Variants in CFAP54 observed in about 807,000 individuals in gnomAD.
The protein encoded by CFAP54 is cilia and flagella associated protein 54.
A neutral mutation model predicts 370.4 loss-of-function variants in CFAP54; 290 were observed. That is an observed-to-expected ratio of 0.78 (90% CI 0.71 to 0.86). The LOEUF (loss-of-function observed/expected upper bound fraction) is 0.86. CFAP54 is among the 40% of genes least tolerant of loss of function. The pLI is 0.00. For missense variants in CFAP54, 3,399 were observed against 3,528.7 expected, an observed-to-expected ratio of 0.96 and a Z score of 0.93; for synonymous variants, 1,206 against 1,236.5, an observed-to-expected ratio of 0.98 and a Z score of 0.52.
At chr12:96,539,088 T>TTTTTTTTTTTG (rs1955542493) in intron 13 of CFAP54, among the ~76,000 whole-genome samples, 1 of 147,750 alleles carries the variant, frequency 6.8e-6, no homozygotes. Flanking sequence ...GTTTTTGTTT[T>TTTTTTTTTTTG]TGAGATGGAG....
chr12:96,538,969 G>A (rs73374093), intron 13 of CFAP54, among the ~76,000 whole-genome samples: 15,148 of 151,566 alleles, frequency 0.1, 1,236 homozygotes, highest in East Asian at 0.45. Context: ...GCCCAGGCTG[G>A]TCACAAACTC....
At chr12:96,523,417 C>T (rs1955341849) in intron 8 of CFAP54, among the ~76,000 whole-genome samples, 1 of 152,094 alleles carries the variant, frequency 6.6e-6, no homozygotes, top group African/African-American at 2.4e-5. Flanking sequence ...TAGGAGTAAT[C>T]CTTTTTCTTT....
chr12:96,849,802 C>T (rs1452533535), intron 66 of CFAP54, among the ~76,000 whole-genome samples: 6 of 152,100 alleles, frequency 3.9e-5, no homozygotes, highest in Non-Finnish European at 7.4e-5. Flanking sequence ...GACTTTCATC[C>T]TCTCTAGGCA....
chr12:96,684,724 A>T lies in CFAP54; in HGVS notation c.5793A>T (p.Ala1931=). The part of the protein sequence containing the change: ...LHSLGSLLIF[A]EKKRAAFKCW... ...CACTTGGAAGTCTTCTCATCTTCGCAGAAAAGAAAAGGTAGATTTTTAGAA... is the reference window on the plus strand; with the variant it reads ...CACTTGGAAGTCTTCTCATCTTCGCTGAAAAGAAAAGGTAGATTTTTAGAA... The change falls in exon 41 of 68, where the codon GCA becomes GCT. Residue 1931 remains alanine, a synonymous_variant. Transcript: ENST00000524981. 6.2e-7 allele frequency: 1 copy of T among 1,609,934 alleles called. No homozygotes were observed. Among genetic ancestry groups the T allele is most frequent in the Non-Finnish European group, 8.5e-7 (1 of 1,178,684 alleles).
rs1008730544 is a variant in CFAP54 at position 96,505,650 on chromosome 12, G to A, written c.568-1278G>A. Among the ~76,000 whole-genome samples the A allele has an allele frequency of 4.0e-5, 6 of 151,548 alleles. No individual in the cohort carries two copies. In the East Asian group the frequency reaches 5.8e-4, roughly 15 times the overall value. On this transcript the variant is annotated intron_variant, in intron 3 of 67. Coordinates refer to ENST00000524981, the MANE Select transcript of CFAP54 (RefSeq NM_001306084.2). Reference sequence around the variant, plus strand: ...CCTGAGTAGCTGGGATTACAGGTGCGCACCATCATGCCTGGCTAATTTTTG... The same window carrying A: ...CCTGAGTAGCTGGGATTACAGGTGCACACCATCATGCCTGGCTAATTTTTG...
At chr12:96,573,268 C>A (rs532868050) in intron 19 of CFAP54, among the ~76,000 whole-genome samples, 1 of 152,230 alleles carries the variant, frequency 6.6e-6, no homozygotes, top group African/African-American at 2.4e-5. Context: ...GCCTGTGATG[C>A]GAATGAAGAT....
rs1158573660 is a variant in CFAP54 at position 96,534,098 on chromosome 12, G to T, written c.1576G>T (p.Asp526Tyr). ...DDPESKKAEK[D>Y]LTLLIAMEPL... ...TCCAGAGTCAAAGAAAGCAGAGAAG[G>T]ATTTAACTCTTCTGATTGCAATGGA... The change falls in exon 11 of 68, where the codon GAT (aspartate) becomes TAT (tyrosine). Residue 526 changes from aspartate (D) to tyrosine (Y), a missense_variant. Transcript: ENST00000524981. 1 of 1,533,238 alleles carries T rather than the reference G, an allele frequency of 6.5e-7. No individual in the cohort carries two copies. Among genetic ancestry groups the T allele is most frequent in the East Asian group, 2.4e-5 (1 of 40,844 alleles). 95.0% of individuals were successfully genotyped at this position (1,533,238 alleles called of 1,614,324 possible). A position where few individuals can be genotyped will look rare whatever the true frequency, so the allele number is the denominator to read the frequency against.
chr12:96,562,222 T>G (rs1955823039), intron 17 of CFAP54, among the ~76,000 whole-genome samples: 1 of 152,182 alleles, frequency 6.6e-6, no homozygotes, highest in African/African-American at 2.4e-5. Context: ...TGTTTTATCC[T>G]GGCAAATTAA....
At chr12:96,625,349 T>C (rs966811997) in intron 28 of CFAP54, among the ~76,000 whole-genome samples, 1 of 152,220 alleles carries the variant, frequency 6.6e-6, no homozygotes, top group Non-Finnish European at 1.5e-5. Context: ...GACTGTGTTA[T>C]ACTTTACTGC....
intron 22 of CFAP54, among the ~76,000 whole-genome samples, chr12:96,587,090 C>T (rs916523805): frequency 6.6e-6 from 1 of 152,080 alleles, no homozygotes; most frequent in African/African-American, 2.4e-5. Flanking sequence ...TTGTGGAAGG[C>T]TGTGGGTGGT....
At chr12:96,816,966 C>T (rs1177486510) in intron 64 of CFAP54, among the ~76,000 whole-genome samples, 2 of 152,210 alleles carry the variant, frequency 1.3e-5, no homozygotes, top group Admixed American at 6.5e-5. Flanking sequence ...CTCCCTTCCT[C>T]CACCCTCTTC....
intron 4 of CFAP54, among the ~76,000 whole-genome samples, chr12:96,509,219 G>A (rs1284605022): frequency 3.3e-5 from 5 of 152,162 alleles, no homozygotes; most frequent in African/African-American, 4.8e-5. Flanking sequence ...AGAGAGGAGG[G>A]GCTGGGCTGC....
chr12:96,792,513 T>A lies in CFAP54; in HGVS notation c.8850+14T>A. On this transcript the variant is annotated intron_variant, in intron 63 of 67. Coordinates refer to ENST00000524981, the MANE Select transcript of CFAP54 (RefSeq NM_001306084.2). ...ACAGAACCTATGGTATGTAATGTAC[T>A]TATAGAACTCAATATTTCATTTATA... is the stretch of plus-strand genomic sequence containing the variant. The A allele has an allele frequency of 2.0e-6, 3 of 1,505,466 alleles. No homozygotes were observed. Among genetic ancestry groups the A allele is most frequent in the Non-Finnish European group, 2.7e-6 (3 of 1,129,364 alleles). 93.3% of individuals were successfully genotyped at this position (1,505,466 alleles called of 1,614,324 possible). A position where few individuals can be genotyped will look rare whatever the true frequency, so the allele number is the denominator to read the frequency against.
chr12:96,679,853 T>C, intron 40 of CFAP54, 101 bp downstream of exon 40: 1 of 1,175,476 alleles, frequency 8.5e-7, no homozygotes, highest in Non-Finnish European at 1.2e-6. Context: ...CCCGTGTACA[T>C]GCAACACTCC....
At chr12:96,827,987 TATAG>T (rs1959142820) in intron 65 of CFAP54, among the ~76,000 whole-genome samples, 1 of 119,308 alleles carries the variant, frequency 8.4e-6, no homozygotes, top group Non-Finnish European at 1.6e-5. Context: ...TTATATTATA[TATAG>T]TTATATATAA....
intron 46 of CFAP54, among the ~76,000 whole-genome samples, chr12:96,701,383 T>G (rs1957489985): frequency 6.6e-6 from 1 of 152,158 alleles, no homozygotes; most frequent in Admixed American, 6.5e-5. Context: ...TTTTGAGTGC[T>G]TACTGAATAC....
chr12:96,837,502 T>G (rs563905590), intron 66 of CFAP54, among the ~76,000 whole-genome samples: 2 of 152,358 alleles, frequency 1.3e-5, no homozygotes, highest in African/African-American at 4.8e-5. Context: ...AATGTGTTAT[T>G]ATGATGTGCT....
At chr12:96,702,907 TA>T (rs1957506222) in intron 46 of CFAP54, among the ~76,000 whole-genome samples, 1 of 152,178 alleles carries the variant, frequency 6.6e-6, no homozygotes, top group Admixed American at 6.5e-5. Context: ...CACAGGCCTT[TA>T]AAAAAATTCT....
At chr12:96,489,968 A>C in intron 1 of CFAP54, 42 bp downstream of exon 1, 39 of 1,491,320 alleles carry the variant, frequency 2.6e-5, no homozygotes, top group Non-Finnish European at 3.4e-5. Context: ...CGGCCAGAGG[A>C]GGGACCCCTG....
Sources: allele counts gnomAD v4.1 joint callset (sites outside exome capture counted in the v4.1 genomes callset), GRCh38; gene constraint gnomAD v4.1.1; transcripts MANE v1.5; gene names NCBI Gene and HGNC (gene_info 2026-07-23, HGNC 2026-07-21).